The following HECA variants were observed in gnomAD, a reference collection of about 807,000 sequenced individuals.
The protein encoded by HECA is HECA ribonucleoprotein granule regulator.
In HECA, 13 loss-of-function variants were observed where a neutral mutation model predicts 37.6. That is an observed-to-expected ratio of 0.35 (90% CI 0.23 to 0.55). The LOEUF is 0.55. Among genes scored for constraint, HECA ranks in the 20% least tolerant of loss-of-function variants. HECA has a pLI of 0.90. For missense variants in HECA, 527 were observed against 701.9 expected, an observed-to-expected ratio of 0.75 and a Z score of 2.82; for synonymous variants, 307 against 291.5, an observed-to-expected ratio of 1.05 and a Z score of -0.54.
chr6:139,142,590 T>TCGTACATA (rs1774528892), intron 1 of HECA, among the ~76,000 whole-genome samples: 1 of 152,144 alleles, frequency 6.6e-6, no homozygotes, highest in African/African-American at 2.4e-5. Context: ...GCAGATGCTG[T>TCGTACATA]CGTACATAGG....
chr6:139,161,609 C>T (rs1774803359), intron 1 of HECA, among the ~76,000 whole-genome samples: 1 of 152,158 alleles, frequency 6.6e-6, no homozygotes, highest in African/African-American at 2.4e-5. Flanking sequence ...TTTGAAAAGA[C>T]ACAGAATTTT....
At chr6:139,138,336 C>T (rs1582933097) in intron 1 of HECA, among the ~76,000 whole-genome samples, 1 of 152,242 alleles carries the variant, frequency 6.6e-6, no homozygotes, top group East Asian at 1.9e-4. Context: ...TTTTACTTAA[C>T]TGTGACATTA....
At chr6:139,174,158 G>A (rs1775018636) in intron 2 of HECA, among the ~76,000 whole-genome samples, 2 of 152,188 alleles carry the variant, frequency 1.3e-5, no homozygotes, top group South Asian at 4.1e-4. Context: ...TTGAAGCCAA[G>A]TTTTTAATAT....
chr6:139,158,304 C>T lies in HECA; in HGVS notation c.272-7980C>T, dbSNP rs547276010. ...GATCACGAGGTCAGGAGATGGAGAC[C>T]GTCCTGGAAAACACAGTGAAACTCC... On this transcript the variant is annotated intron_variant, in intron 1 of 3. Transcript: ENST00000367658. Among the ~76,000 whole-genome samples, 9 of 151,856 alleles carry T rather than the reference C, an allele frequency of 5.9e-5. No homozygotes were observed. The South Asian group carries it at 8.3e-4, about 14-fold the overall frequency.
rs1342172981 is a variant in HECA at position 139,166,837 on chromosome 6, G to C, written c.825G>C (p.Thr275=). Residue 275 remains threonine, a synonymous_variant, in exon 2 of 4, where the codon ACG becomes ACC. Transcript: ENST00000367658. ...GCTCCCCGGGCCAGTCCCCACCCACGGGCTACTCCATCCTCTCTCCTGCCC... is the reference window on the plus strand; with the variant it reads ...GCTCCCCGGGCCAGTCCCCACCCACCGGCTACTCCATCCTCTCTCCTGCCC... The part of the protein sequence containing the change: ...PGGSPGQSPP[T]GYSILSPAHF... 6.2e-7 allele frequency: 1 copy of C among 1,613,634 alleles called. No homozygotes were observed. The highest frequency in any genetic ancestry group is 1.3e-5 in the African/African-American group (1 of 74,932).
At chr6:139,174,625 A>G in intron 3 of HECA, 86 bp downstream of exon 3, 1 of 1,537,028 alleles carries the variant, frequency 6.5e-7, no homozygotes, top group East Asian at 2.3e-5. Context: ...TCTGGCAATA[A>G]AGAAGAAATT....
chr6:139,137,494 C>T (rs540681146), intron 1 of HECA, among the ~76,000 whole-genome samples: 1 of 152,220 alleles, frequency 6.6e-6, no homozygotes, highest in East Asian at 1.9e-4. Flanking sequence ...AAAAAGATTA[C>T]CTGCAGTGTT....
At chr6:139,146,348 A>T (rs1300109371) in intron 1 of HECA, among the ~76,000 whole-genome samples, 1 of 152,224 alleles carries the variant, frequency 6.6e-6, no homozygotes, top group African/African-American at 2.4e-5. Context: ...CCTTCAAGTT[A>T]TAAAGTCATC....
chr6:139,154,805 C>T (rs1371646312), intron 1 of HECA, among the ~76,000 whole-genome samples: 2 of 152,156 alleles, frequency 1.3e-5, no homozygotes, highest in East Asian at 1.9e-4. Flanking sequence ...CATAGATAAA[C>T]TATGAGTAAA....
intron 1 of HECA, among the ~76,000 whole-genome samples, chr6:139,157,789 G>T (rs1774738272): frequency 6.6e-6 from 1 of 152,164 alleles, no homozygotes; most frequent in South Asian, 2.1e-4. Context: ...AGATGTGGAA[G>T]GGATTGGGCT....
At chr6:139,137,577 C>T (rs192786485) in intron 1 of HECA, among the ~76,000 whole-genome samples, 11 of 150,898 alleles carry the variant, frequency 7.3e-5, no homozygotes, top group Admixed American at 5.9e-4. Context: ...AGGGAGCTTG[C>T]ATTCCTGTTC....
At position 139,135,530 on chromosome 6, in the gene HECA, C is replaced by T. The variant is rs1393265749; in HGVS notation, c.134C>T (p.Ala45Val). Residue 45 changes from alanine to valine, a missense_variant, in exon 1 of 4, where the codon GCG becomes GTG. Ala to Val is a moderately conservative substitution (Grantham distance 64). This residue lies in a region of HECA where 172 missense variants were observed against 197.6 expected (regional missense o/e 0.87). Coordinates refer to ENST00000367658, the MANE Select transcript of HECA (RefSeq NM_016217.3). ...GGAGCGGCGGCCGGGGGGGCCCTGG[C>T]GGCGGCGGCCGGTTGCGGGGCGGCG... is the stretch of plus-strand genomic sequence containing the variant. ...AAGAAAGGAL[A>V]AAAGCGAAAA... is the part of the protein sequence containing the mutation. 6 of 983,240 alleles carry T rather than the reference C, an allele frequency of 6.1e-6. No individual in the cohort carries two copies. The African/African-American group carries it at 8.9e-5, about 15-fold the overall frequency. The allele number at this position is 983,240 out of a possible 1,614,324, so 60.9% of individuals were successfully genotyped here.
At chr6:139,156,731 C>G (rs1232239553) in intron 1 of HECA, among the ~76,000 whole-genome samples, 3 of 152,208 alleles carry the variant, frequency 2.0e-5, no homozygotes, top group African/African-American at 4.8e-5. Flanking sequence ...TGTCTGTGTT[C>G]TGAGTGTGCA....
At chr6:139,165,527 C>T (rs1385590327) in intron 1 of HECA, among the ~76,000 whole-genome samples, 1 of 151,572 alleles carries the variant, frequency 6.6e-6, no homozygotes, top group African/African-American at 2.4e-5. Context: ...AATAGATTCA[C>T]TTCCCTAAAA....
intron 1 of HECA, among the ~76,000 whole-genome samples, chr6:139,163,338 T>C (rs1459103271): frequency 6.6e-6 from 1 of 150,606 alleles, no homozygotes; most frequent in African/African-American, 2.5e-5. Context: ...TGGGACATTT[T>C]GCAGTTCTCC....
At position 139,147,616 on chromosome 6, in the gene HECA, GAA is replaced by G. The variant is rs1288289603; in HGVS notation, c.271+11956_271+11957del. Among the ~76,000 whole-genome samples, 2 of 151,588 alleles carry G rather than the reference GAA, an allele frequency of 1.3e-5. 1 individual carries two copies. Among genetic ancestry groups the G allele is most frequent in the South Asian group, 4.2e-4 (2 of 4,804 alleles). On this transcript the variant is annotated intron_variant, in intron 1 of 3. Transcript: ENST00000367658. ...CAGAACGAGATGCTGTCTAAAAAAA[GAA>G]AAAAAATGCTTGTCATTCTGGTACT...
chr6:139,135,429 C>CA lies in HECA; in HGVS notation c.38dup (p.Asn13LysfsTer92). ...ACCCCAAAAACAGCAAAGGCGGCCG[C>CA]AAAAACAAGCGCGCCAACAGCAGCG... On this transcript the variant is annotated frameshift_variant, in exon 1 of 4. Transcript: ENST00000367658. LOFTEE classifies it high-confidence loss of function. 1 of 1,383,108 alleles carries CA rather than the reference C, an allele frequency of 7.2e-7. No homozygotes were observed. The highest frequency in any genetic ancestry group is 9.5e-7 in the Non-Finnish European group (1 of 1,047,716). 85.7% of individuals were successfully genotyped at this position (1,383,108 alleles called of 1,614,324 possible).
intron 1 of HECA, among the ~76,000 whole-genome samples, chr6:139,135,933 G>C (rs928842643): frequency 6.6e-6 from 1 of 151,880 alleles, no homozygotes; most frequent in Non-Finnish European, 1.5e-5. Flanking sequence ...CGCTGCCCTC[G>C]GGCCCAGCCT....
At chr6:139,157,086 G>C (rs34262416) in intron 1 of HECA, among the ~76,000 whole-genome samples, 1 of 152,262 alleles carries the variant, frequency 6.6e-6, no homozygotes, top group Admixed American at 6.5e-5. Context: ...GTTATTTCTT[G>C]ATGATACACT....
Sources: allele counts gnomAD v4.1 joint callset (sites outside exome capture counted in the v4.1 genomes callset), GRCh38; gene constraint gnomAD v4.1.1; regional missense constraint gnomAD v4.1.1; transcripts MANE v1.5; gene names NCBI Gene and HGNC (gene_info 2026-07-23, HGNC 2026-07-21).